Variants in MYADM observed in about 807,000 individuals in gnomAD.
The protein encoded by MYADM is myeloid-associated differentiation marker.
For missense variants in MYADM, 416 were observed against 443.4 expected, an observed-to-expected ratio of 0.94 and a Z score of 0.56; for synonymous variants, 224 against 210.2, an observed-to-expected ratio of 1.07 and a Z score of -0.57.
Position 53,874,652 on chromosome 19 carries a change from C to T in MYADM, c.*154C>T, listed in dbSNP as rs895672617. 1 of 791,622 alleles carries T rather than the reference C, an allele frequency of 1.3e-6. No individual in the cohort carries two copies. Among genetic ancestry groups the T allele is most frequent in the Non-Finnish European group, 1.9e-6 (1 of 521,698 alleles). 49.0% of individuals were successfully genotyped at this position (791,622 alleles called of 1,614,324 possible). On this transcript the variant is annotated 3_prime_UTR_variant, in exon 3 of 3. Transcript: ENST00000391770. ...TTTTTCTTTCCTTCCCAATTCCTTG[C>T]ACTCTAACCAGTTCTTGGATGCATC...
In MYADM at chr19:53,868,266, G is replaced by C. The variant is rs1029104348; in HGVS notation, c.-88+323G>C. 6.6e-6 allele frequency among the ~76,000 whole-genome samples: 1 copy of C among 150,784 alleles called. No individual in the cohort carries two copies. The highest frequency in any genetic ancestry group is 1.5e-5 in the Non-Finnish European group (1 of 67,604). Reference sequence around the variant, plus strand: ...AGGGGCTGAGGGCCTGGACTCCTGGGTCTGAGGGAGGAGGAGCTGGGCCTG... The same window carrying C: ...AGGGGCTGAGGGCCTGGACTCCTGGCTCTGAGGGAGGAGGAGCTGGGCCTG... On this transcript the variant is annotated intron_variant, in intron 1 of 2. Coordinates refer to ENST00000391770, the MANE Select transcript of MYADM (RefSeq NM_138373.5). This position sits in a 1 kb window ranked among gnomAD's most constrained non-coding sequence, Gnocchi z 6.3.
At chr19:53,866,834 G>A (rs2068252890), upstream of MYADM, among the ~76,000 whole-genome samples, 2 of 152,192 alleles carry the variant, frequency 1.3e-5, no homozygotes, top group Non-Finnish European at 2.9e-5. This position sits in a 1 kb window ranked among gnomAD's most constrained non-coding sequence, Gnocchi z 4.3. Flanking sequence ...TGATCATGAT[G>A]ATTTATTTTT....
rs558778652 is a variant in MYADM, at chr19:53,868,905, C to A, written c.-87-849C>A. ...CTGCGCGCCCCCCTCCGCGGCTAGC[C>A]CACCTTCCGCGGGGGACAGAATGAG... On this transcript the variant is annotated intron_variant, in intron 1 of 2. Transcript: ENST00000391770. The surrounding 1 kb of genome is among the most constrained non-coding windows in gnomAD (Gnocchi z 6.3). The A allele has an allele frequency of 2.6e-5, 4 of 152,304 alleles. No individual in the cohort carries two copies. The highest frequency in any genetic ancestry group is 9.6e-5 in the African/African-American group (4 of 41,566). The allele number at this position is 152,304 out of a possible 1,614,324, so 9.4% of individuals were successfully genotyped here.
rs150718194 is a variant in MYADM at position 53,868,693 on chromosome 19, G to A, written c.-88+750G>A. Among the ~76,000 whole-genome samples, 469 of 152,288 alleles carry A rather than the reference G, an allele frequency of 3.1e-3. 2 individuals carry two copies. The highest frequency in any genetic ancestry group is 5.2e-3 in the Non-Finnish European group (356 of 68,012). ...TGGGTGTGGCGTCTGGAGTGGACGA[G>A]GGAGGACACTGAGGGGCTGGGTGTG... On this transcript the variant is annotated intron_variant, in intron 1 of 2. Coordinates refer to ENST00000391770, the MANE Select transcript of MYADM (RefSeq NM_138373.5). This position sits in a 1 kb window ranked among gnomAD's most constrained non-coding sequence, Gnocchi z 6.3.
At position 53,876,200 on chromosome 19, in the gene MYADM, C is replaced by G. The variant is rs913106097; in HGVS notation, c.*1702C>G. 3 of 166,218 alleles carry G rather than the reference C, an allele frequency of 1.8e-5. No homozygotes were observed. The highest frequency in any genetic ancestry group is 7.3e-5 in the African/African-American group (3 of 41,246). The allele number at this position is 166,218 out of a possible 1,614,324, so 10.3% of individuals were successfully genotyped here. A position where few individuals can be genotyped will look rare whatever the true frequency, so the allele number is the denominator to read the frequency against. On this transcript the variant is annotated 3_prime_UTR_variant, in exon 3 of 3. Coordinates refer to ENST00000391770, the MANE Select transcript of MYADM (RefSeq NM_138373.5). Reference sequence around the variant, plus strand: ...GTGTAGTGCACACGCACGGGTGTTTCTGTGTGCTAGTTGCTTCTTGCTGCT... The same window carrying G: ...GTGTAGTGCACACGCACGGGTGTTTGTGTGTGCTAGTTGCTTCTTGCTGCT...
At chr19:53,871,989 C>G (rs1163248603) in intron 2 of MYADM, among the ~76,000 whole-genome samples, 2 of 151,986 alleles carry the variant, frequency 1.3e-5, no homozygotes, top group African/African-American at 4.8e-5. Flanking sequence ...ACCTCCACCT[C>G]TAGGGTTCAA....
intron 2 of MYADM, among the ~76,000 whole-genome samples, chr19:53,872,398 G>A (rs943089389): frequency 3.9e-5 from 6 of 152,018 alleles, no homozygotes; most frequent in Admixed American, 6.6e-5. Flanking sequence ...GTGTCGCCAC[G>A]TTGGCCAGGC....
In MYADM at chr19:53,876,395, A is replaced by G. The variant is rs572301295; in HGVS notation, c.*1897A>G. 6.0e-6 allele frequency: 1 copy of G among 166,610 alleles called. No homozygotes were observed. The highest frequency in any genetic ancestry group is 1.9e-4 in the East Asian group (1 of 5,174). The allele number at this position is 166,610 out of a possible 1,614,324, so 10.3% of individuals were successfully genotyped here. A position where few individuals can be genotyped will look rare whatever the true frequency, so the allele number is the denominator to read the frequency against. On this transcript the variant is annotated 3_prime_UTR_variant, in exon 3 of 3. Coordinates refer to ENST00000391770, the MANE Select transcript of MYADM (RefSeq NM_138373.5). ...CCCTTCCCCCATTCCCGTATCCATC[A>G]TGTTCTTTTTCTTTTAAATATCAAT... is the stretch of plus-strand genomic sequence containing the variant.
At chr19:53,872,167 G>A (rs1270088211) in intron 2 of MYADM, among the ~76,000 whole-genome samples, 1 of 152,008 alleles carries the variant, frequency 6.6e-6, no homozygotes, top group Non-Finnish European at 1.5e-5. Flanking sequence ...CGAAAGTGCT[G>A]GGATTACAGG....
intron 2 of MYADM, chr19:53,872,800 C>T (rs920358794): frequency 6.6e-6 from 1 of 152,404 alleles, no homozygotes; most frequent in African/African-American, 2.4e-5. Context: ...ATCAGCCACA[C>T]CTGTGCCTGG....
At chr19:53,871,311 G>A (rs1222266399) in intron 2 of MYADM, among the ~76,000 whole-genome samples, 1 of 152,202 alleles carries the variant, frequency 6.6e-6, no homozygotes, top group African/African-American at 2.4e-5. Flanking sequence ...TGGACAGTTG[G>A]AAATCTGGGG....
At chr19:53,871,832 C>T (rs1411735057) in intron 2 of MYADM, among the ~76,000 whole-genome samples, 1 of 152,112 alleles carries the variant, frequency 6.6e-6, no homozygotes, top group African/African-American at 2.4e-5. Flanking sequence ...TTTGTTCTGA[C>T]ACTTGGGTTG....
At chr19:53,872,605 C>T (rs534802681) in intron 2 of MYADM, 3 of 152,256 alleles carry the variant, frequency 2.0e-5, no homozygotes, top group African/African-American at 7.2e-5. Context: ...CCCACAGGCT[C>T]AAGCAATCCT....
In MYADM at chr19:53,875,795, A is replaced by G. The variant is rs1599930871; in HGVS notation, c.*1297A>G. ...AACCCGGGAGGTGGAGGTTGCAGTA[A>G]GTCAAGATGGCACCACTGTGCTCCA... On this transcript the variant is annotated 3_prime_UTR_variant, in exon 3 of 3. Transcript: ENST00000391770. The G allele has an allele frequency of 6.3e-6, 1 of 159,902 alleles. No individual in the cohort carries two copies. Among genetic ancestry groups the G allele is most frequent in the East Asian group, 1.9e-4 (1 of 5,166 alleles). The allele number at this position is 159,902 out of a possible 1,614,324, so 9.9% of individuals were successfully genotyped here. A position where few individuals can be genotyped will look rare whatever the true frequency, so the allele number is the denominator to read the frequency against.
At chr19:53,871,320 G>A (rs1415525103) in intron 2 of MYADM, among the ~76,000 whole-genome samples, 1 of 152,194 alleles carries the variant, frequency 6.6e-6, no homozygotes, top group African/African-American at 2.4e-5. Flanking sequence ...GGAAATCTGG[G>A]GAGCTGAGTT....
chr19:53,870,701 A>G (rs908133798), intron 2 of MYADM, among the ~76,000 whole-genome samples: 6 of 152,148 alleles, frequency 3.9e-5, no homozygotes, highest in African/African-American at 1.4e-4. Context: ...TCCTGTGGCT[A>G]GGAGAGGCCT....
At chr19:53,866,308 CG>C, upstream of MYADM, 1 of 152,014 alleles carries the variant, frequency 6.6e-6, no homozygotes, top group Non-Finnish European at 1.5e-5. This position sits in a 1 kb window ranked among gnomAD's most constrained non-coding sequence, Gnocchi z 4.3. Flanking sequence ...GCGGCGGCAG[CG>C]CCAGACGCGC....
chr19:53,867,466 G>C (rs1198390795), upstream of MYADM, among the ~76,000 whole-genome samples: 2 of 151,816 alleles, frequency 1.3e-5, no homozygotes, highest in African/African-American at 2.4e-5. Flanking sequence ...AAGGAGTGAG[G>C]TGAGACGGGG....
rs2068513129 is a variant in MYADM at position 53,875,429 on chromosome 19, TTGGCTCCAGAATTTTTGCC to T, written c.*932_*950del. The T allele has an allele frequency of 6.0e-6, 1 of 166,636 alleles. No homozygotes were observed. Among genetic ancestry groups the T allele is most frequent in the Non-Finnish European group, 1.5e-5 (1 of 68,062 alleles). The allele number at this position is 166,636 out of a possible 1,614,324, so 10.3% of individuals were successfully genotyped here. ...GCCTGGCACTCAGCCTTGCCAGAGA[TTGGCTCCAGAATTTTTGCC>T]AGGCTTACAGAACACCCACTGCCTA... On this transcript the variant is annotated 3_prime_UTR_variant, in exon 3 of 3. Transcript: ENST00000391770.
Sources: allele counts gnomAD v4.1 joint callset (sites outside exome capture counted in the v4.1 genomes callset), GRCh38; gene constraint gnomAD v4.1.1; non-coding constraint Gnocchi (gnomAD v3.1); transcripts MANE v1.5; gene names NCBI Gene and HGNC (gene_info 2026-07-23, HGNC 2026-07-21).